IMPG1: variants seen among roughly 807,000 people sequenced by gnomAD.
IMPG1 encodes the protein interphotoreceptor matrix proteoglycan 1.
A neutral mutation model predicts 92.0 loss-of-function variants in IMPG1; 85 were observed. That is an observed-to-expected ratio of 0.92 (90% CI 0.78 to 1.11). The LOEUF (loss-of-function observed/expected upper bound fraction) is 1.11, where lower values mean the gene tolerates loss of function less well. IMPG1 is among the 50% of genes least tolerant of loss of function. IMPG1 has a pLI of 0.00. For synonymous variants in IMPG1, 367 were observed against 334.1 expected, an observed-to-expected ratio of 1.10 and a Z score of -1.08; for missense variants, 1,022 against 956.0, an observed-to-expected ratio of 1.07 and a Z score of -0.91.
chr6:76,020,189 A>T (rs924718729), intron 6 of IMPG1, among the ~76,000 whole-genome samples: 3 of 152,028 alleles, frequency 2.0e-5, no homozygotes, highest in African/African-American at 7.2e-5. Flanking sequence ...AGTAGCTGGG[A>T]CTACAGGCAT....
chr6:75,974,700 G>C (rs1196522153), intron 12 of IMPG1, among the ~76,000 whole-genome samples: 1 of 151,900 alleles, frequency 6.6e-6, no homozygotes, highest in African/African-American at 2.4e-5. Flanking sequence ...ATTTTTAGTA[G>C]AGATGGGGTT....
intron 14 of IMPG1, among the ~76,000 whole-genome samples, chr6:75,942,361 G>A (rs1049770764): frequency 6.6e-5 from 10 of 152,196 alleles, no homozygotes; most frequent in Middle Eastern, 3.4e-3. Context: ...AATCAGGGCC[G>A]TTCCTGTATT....
At chr6:76,003,549 C>T (rs1311758393) in intron 11 of IMPG1, among the ~76,000 whole-genome samples, 1 of 151,956 alleles carries the variant, frequency 6.6e-6, no homozygotes, top group Non-Finnish European at 1.5e-5. Context: ...ATAATATGTT[C>T]TGCTTTAATT....
chr6:75,937,088 C>T (rs2149452481), intron 14 of IMPG1, among the ~76,000 whole-genome samples: 1 of 152,114 alleles, frequency 6.6e-6, no homozygotes, highest in South Asian at 2.1e-4. Context: ...CAGCATGACC[C>T]CAGGAGACAG....
intron 12 of IMPG1, among the ~76,000 whole-genome samples, chr6:75,951,935 CTG>C (rs552108734): frequency 1.6e-3 from 142 of 86,800 alleles, no homozygotes; most frequent in African/African-American, 5.9e-3. Flanking sequence ...GAGTGAGACT[CTG>C]TCTCAAAATA....
chr6:76,021,780 T>TATATATATATATATATATAC (rs1783429072), intron 6 of IMPG1, among the ~76,000 whole-genome samples: 1 of 132,352 alleles, frequency 7.6e-6, no homozygotes, highest in Non-Finnish European at 1.6e-5. Flanking sequence ...TTGGAGAGCA[T>TATATATATATATATATATAC]ATATATATAT....
rs552549267 is a variant in IMPG1, at chr6:76,005,844, A to AT, written c.888-311dup. On this transcript the variant is annotated intron_variant, in intron 9 of 16. Coordinates refer to ENST00000369950, the MANE Select transcript of IMPG1 (RefSeq NM_001563.4). ...GTTTTTTTTTTTCTTTCTTTCTTTT[A>AT]TTTTTTTTTTGCGACAGGGTCTCAC... Among the ~76,000 whole-genome samples the AT allele has an allele frequency of 6.2e-3, 846 of 135,662 alleles. 25 individuals carry two copies. Among genetic ancestry groups the AT allele is most frequent in the Admixed American group, 0.05 (687 of 13,792 alleles). The allele number at this position is 135,662 out of a possible 152,430, so 89.0% of individuals were successfully genotyped here. A position where few individuals can be genotyped will look rare whatever the true frequency, so the allele number is the denominator to read the frequency against.
intron 1 of IMPG1, among the ~76,000 whole-genome samples, chr6:76,057,053 C>A (rs1183370423): frequency 6.6e-6 from 1 of 152,008 alleles, no homozygotes; most frequent in Admixed American, 6.6e-5. Flanking sequence ...CAACAGAAAA[C>A]CAAATACCAC....
chr6:75,998,827 C>T (rs1200001246), intron 12 of IMPG1, among the ~76,000 whole-genome samples: 1 of 152,130 alleles, frequency 6.6e-6, no homozygotes, highest in Non-Finnish European at 1.5e-5. Context: ...TATCAAGTTT[C>T]TCCTATATGT....
chr6:75,931,921 G>A (rs1781674874), intron 14 of IMPG1, among the ~76,000 whole-genome samples: 1 of 152,200 alleles, frequency 6.6e-6, no homozygotes, highest in Admixed American at 6.5e-5. Context: ...TTATAGAGCT[G>A]AGCACATTGA....
intron 14 of IMPG1, among the ~76,000 whole-genome samples, chr6:75,942,510 G>C (rs1327937945): frequency 6.6e-6 from 1 of 152,226 alleles, no homozygotes; most frequent in Non-Finnish European, 1.5e-5. Flanking sequence ...ACCAGCAATA[G>C]AGCCAAGAGC....
intron 12 of IMPG1, among the ~76,000 whole-genome samples, chr6:75,995,243 T>C (rs1011195454): frequency 6.6e-6 from 1 of 152,252 alleles, no homozygotes; most frequent in Non-Finnish European, 1.5e-5. Context: ...ACTCTTCTAA[T>C]TGATTGCTTG....
chr6:75,955,247 A>G (rs1447601791), intron 12 of IMPG1, among the ~76,000 whole-genome samples: 2 of 152,170 alleles, frequency 1.3e-5, no homozygotes, highest in Non-Finnish European at 2.9e-5. Context: ...ATCCATGAGA[A>G]TGGAATGTTT....
intron 12 of IMPG1, among the ~76,000 whole-genome samples, chr6:75,974,378 TC>T (rs1782486657): frequency 1.8e-5 from 2 of 112,886 alleles, no homozygotes; most frequent in African/African-American, 3.4e-5. Context: ...TTTCTTTCTT[TC>T]TTTCTTTCTT....
intron 12 of IMPG1, among the ~76,000 whole-genome samples, chr6:75,995,254 C>T (rs1782876560): frequency 6.6e-6 from 1 of 152,200 alleles, no homozygotes; most frequent in African/African-American, 2.4e-5. Context: ...TGATTGCTTG[C>T]ATTTGCTGAC....
In IMPG1 at chr6:75,931,154, G is replaced by C. The variant is rs769132903; in HGVS notation, c.2045-3C>G. ...CTTGCAGGGATCTGCTTGATCAGCT[G>C]TAAGAAATGGGGCAGATTTTAACGC... is the stretch of plus-strand genomic sequence containing the variant. On this transcript the variant is annotated splice_polypyrimidine_tract_variant and splice_region_variant and intron_variant, in intron 14 of 16. Transcript: ENST00000369950. 5.6e-6 allele frequency: 9 copies of C among 1,608,736 alleles called. No individual in the cohort carries two copies. The highest frequency in any genetic ancestry group is 3.3e-5 in the South Asian group (3 of 90,184).
At chr6:76,039,498 G>T (rs948309032) in intron 2 of IMPG1, among the ~76,000 whole-genome samples, 2 of 152,092 alleles carry the variant, frequency 1.3e-5, no homozygotes, top group Non-Finnish European at 2.9e-5. Context: ...TGGGATTACA[G>T]GCGTGCGCCA....
At chr6:76,058,639 G>C (rs1582135899) in intron 1 of IMPG1, among the ~76,000 whole-genome samples, 1 of 152,182 alleles carries the variant, frequency 6.6e-6, no homozygotes, top group Non-Finnish European at 1.5e-5. Flanking sequence ...TGTTATCACT[G>C]CTTCTGTGAA....
chr6:75,950,957 G>GTAC lies in IMPG1; in HGVS notation c.1426_1428dup (p.Val476dup), dbSNP rs774950296. On this transcript the variant is annotated inframe_insertion, in exon 13 of 17. Coordinates refer to ENST00000369950, the MANE Select transcript of IMPG1 (RefSeq NM_001563.4). ...TCACTGGTGGGGATGGTGAGCCCTG[G>GTAC]TACTAGCATTGTCTGGTCAGTGGCC... is the stretch of plus-strand genomic sequence containing the variant. 1 of 1,613,976 alleles carries GTAC rather than the reference G, an allele frequency of 6.2e-7. No individual in the cohort carries two copies. The highest frequency in any genetic ancestry group is 8.5e-7 in the Non-Finnish European group (1 of 1,179,948).
Sources: allele counts gnomAD v4.1 joint callset (sites outside exome capture counted in the v4.1 genomes callset), GRCh38; gene constraint gnomAD v4.1.1; transcripts MANE v1.5; gene names NCBI Gene and HGNC (gene_info 2026-07-23, HGNC 2026-07-21).